The following WWOX variants were observed in gnomAD, a reference collection of about 807,000 sequenced individuals.
The protein encoded by WWOX is WW domain containing oxidoreductase.
A neutral mutation model predicts 46.2 loss-of-function variants in WWOX; 69 were observed. That is an observed-to-expected ratio of 1.49 (90% CI 1.23 to 1.82). The LOEUF (loss-of-function observed/expected upper bound fraction) is 1.82, where lower values mean the gene tolerates loss of function less well. WWOX is among the 40% of genes most tolerant of loss of function. The pLI, the probability that WWOX is intolerant of heterozygous loss-of-function variation, is 0.00. For missense variants in WWOX, 919 were observed against 542.6 expected (o/e 1.69, Z -6.89); for synonymous variants, 359 against 202.6 (o/e 1.77, Z -6.56).
At chr16:78,761,988 G>A (rs10514443) in intron 8 of WWOX, among the ~76,000 whole-genome samples, 6,860 of 152,142 alleles carry the variant, frequency 0.045, 347 homozygotes, top group African/African-American at 0.12. Flanking sequence ...GTGCAGTGAG[G>A]ATGAATCAAC....
intron 8 of WWOX, among the ~76,000 whole-genome samples, chr16:78,573,483 A>T (rs1466824396): frequency 6.6e-6 from 1 of 152,298 alleles, no homozygotes; most frequent in South Asian, 2.1e-4. Flanking sequence ...TCCATTCTAT[A>T]TGTCAGATGC....
chr16:78,453,087 G>T (rs541576059), intron 8 of WWOX, among the ~76,000 whole-genome samples: 2 of 152,022 alleles, frequency 1.3e-5, no homozygotes, highest in African/African-American at 2.4e-5. Flanking sequence ...CATCATGTTG[G>T]CCAGGCTGCA....
At chr16:79,056,215 CAAA>C (rs199968406) in intron 8 of WWOX, among the ~76,000 whole-genome samples, 18,075 of 139,062 alleles carry the variant, frequency 0.13, 2,114 homozygotes, top group African/African-American at 0.31. Context: ...GTCACTAGAC[CAAA>C]AAAAAAAAAA....
At chr16:78,342,074 C>G (rs1005280383) in intron 5 of WWOX, among the ~76,000 whole-genome samples, 1 of 121,012 alleles carries the variant, frequency 8.3e-6, no homozygotes, top group Admixed American at 8.0e-5. Flanking sequence ...TGCAATTGTG[C>G]CACTGCACTC....
At chr16:78,444,441 G>A (rs1426362111) in intron 8 of WWOX, among the ~76,000 whole-genome samples, 2 of 151,800 alleles carry the variant, frequency 1.3e-5, no homozygotes, top group African/African-American at 4.8e-5. Context: ...AATTTTGGAT[G>A]AAAACTGAAC....
intron 5 of WWOX, among the ~76,000 whole-genome samples, chr16:78,370,967 T>C (rs996217538): frequency 1.4e-5 from 2 of 144,496 alleles, no homozygotes; most frequent in African/African-American, 5.1e-5. Flanking sequence ...GCTCTGAGAC[T>C]GTGTTGTGAT....
chr16:78,766,138 G>A (rs1188337024), intron 8 of WWOX, among the ~76,000 whole-genome samples: 1 of 152,210 alleles, frequency 6.6e-6, no homozygotes, highest in Non-Finnish European at 1.5e-5. Context: ...GATAGTCGGT[G>A]GGAACTGGGT....
chr16:79,035,860 G>A (rs2047856264), intron 8 of WWOX, among the ~76,000 whole-genome samples: 2 of 152,350 alleles, frequency 1.3e-5, no homozygotes, highest in South Asian at 2.1e-4. Flanking sequence ...CTCCCAAAGT[G>A]ATGGGATTAC....
At chr16:78,106,862 G>A (rs1026242772) in intron 1 of WWOX, among the ~76,000 whole-genome samples, 1 of 152,174 alleles carries the variant, frequency 6.6e-6, no homozygotes, top group Admixed American at 6.5e-5. Flanking sequence ...CGCCTTTTCA[G>A]CAGCTCTGTG....
chr16:79,088,318 C>T (rs535488173), intron 8 of WWOX, among the ~76,000 whole-genome samples: 1 of 152,272 alleles, frequency 6.6e-6, no homozygotes, highest in African/African-American at 2.4e-5. Flanking sequence ...TTGTTTTCTC[C>T]AGCACAGCCA....
chr16:78,914,723 C>T (rs1021140001), intron 8 of WWOX, among the ~76,000 whole-genome samples: 1 of 150,168 alleles, frequency 6.7e-6, no homozygotes, highest in Non-Finnish European at 1.5e-5. Context: ...ACTAAAAATA[C>T]AAAAAATTAA....
At chr16:79,052,655 C>T (rs1341116844) in intron 8 of WWOX, among the ~76,000 whole-genome samples, 1 of 152,168 alleles carries the variant, frequency 6.6e-6, no homozygotes, top group African/African-American at 2.4e-5. Flanking sequence ...CCAATGGAAA[C>T]CGGACACAGC....
chr16:78,336,881 C>T (rs1027764318), intron 5 of WWOX, among the ~76,000 whole-genome samples: 1 of 152,096 alleles, frequency 6.6e-6, no homozygotes, highest in Admixed American at 6.6e-5. Context: ...CCAGTTTAAG[C>T]CATTCTCCTG....
At chr16:78,591,026 T>A (rs78581012) in intron 8 of WWOX, among the ~76,000 whole-genome samples, 1,566 of 152,214 alleles carry the variant, frequency 0.01, 27 homozygotes, top group African/African-American at 0.036. Flanking sequence ...GCTCCACCAG[T>A]ATGAAAATGT....
intron 8 of WWOX, among the ~76,000 whole-genome samples, chr16:79,025,710 T>C (rs940823102): frequency 2.0e-5 from 3 of 152,156 alleles, no homozygotes; most frequent in Admixed American, 6.5e-5. Flanking sequence ...GAAACTAATA[T>C]ACCCTTTAAT....
At chr16:78,522,390 C>T (rs927507445) in intron 8 of WWOX, among the ~76,000 whole-genome samples, 12 of 152,176 alleles carry the variant, frequency 7.9e-5, no homozygotes, top group African/African-American at 2.9e-4. Flanking sequence ...TCCCACAAGG[C>T]ACTGTGTACA....
intron 8 of WWOX, among the ~76,000 whole-genome samples, chr16:78,785,675 A>G (rs77725626): frequency 0.17 from 26,083 of 152,190 alleles, 2,584 homozygotes; most frequent in East Asian, 0.31. Flanking sequence ...TTGTTGCAGT[A>G]TAAAATTGCA....
intron 8 of WWOX, among the ~76,000 whole-genome samples, chr16:78,444,653 C>T (rs1219848217): frequency 6.6e-6 from 1 of 151,688 alleles, no homozygotes; most frequent in Non-Finnish European, 1.5e-5. Flanking sequence ...GCCTCAGACT[C>T]CCGAGTAGCT....
chr16:78,373,685 T>G (rs944239520), intron 5 of WWOX, among the ~76,000 whole-genome samples: 1 of 152,222 alleles, frequency 6.6e-6, no homozygotes, highest in Non-Finnish European at 1.5e-5. Context: ...TGTGTGAATT[T>G]AAGTTCATGT....
Sources: gnomAD v4.1 joint callset for allele counts (sites outside exome capture counted in the v4.1 genomes callset) on GRCh38, gnomAD v4.1.1 for gene constraint, MANE v1.5 for transcripts, NCBI Gene and HGNC (gene_info 2026-07-23, HGNC 2026-07-21) for gene names.